Variants in CYP4Z1 observed in about 807,000 individuals in gnomAD.
The protein encoded by CYP4Z1 is cytochrome P450 4Z1.
In CYP4Z1, 41 loss-of-function variants were observed where a neutral mutation model predicts 54.2. That is an observed-to-expected ratio of 0.76 (90% CI 0.59 to 0.98). The LOEUF (loss-of-function observed/expected upper bound fraction) is 0.98, where lower values mean the gene tolerates loss of function less well. CYP4Z1 is among the 50% of genes least tolerant of loss of function. The probability of loss-of-function intolerance (pLI) is 0.00; values close to 1 mark genes in which losing one functional copy is unlikely to be tolerated. For missense variants in CYP4Z1, 513 were observed against 599.0 expected (o/e 0.86, Z 1.50); for synonymous variants, 163 against 206.2 (o/e 0.79, Z 1.79).
At chr1:47,086,251 T>A (rs1169424265) in intron 6 of CYP4Z1, among the ~76,000 whole-genome samples, 2 of 152,184 alleles carry the variant, frequency 1.3e-5, no homozygotes, top group Non-Finnish European at 2.9e-5. Context: ...TACTTCTAGA[T>A]CCTTGAGGAA....
At chr1:47,097,499 G>A (rs1467048305) in intron 7 of CYP4Z1, among the ~76,000 whole-genome samples, 1 of 152,146 alleles carries the variant, frequency 6.6e-6, no homozygotes. Context: ...TGCACATAAT[G>A]TAAAGAAGTT....
intron 6 of CYP4Z1, among the ~76,000 whole-genome samples, chr1:47,090,246 T>C (rs953503180): frequency 1.3e-5 from 2 of 152,244 alleles, no homozygotes; most frequent in Non-Finnish European, 2.9e-5. Flanking sequence ...TATCCATAAC[T>C]ATTACTCCTG....
chr1:47,055,594 A>G, the CYP4Z1 span, among the ~76,000 whole-genome samples: 2 of 152,152 alleles, frequency 1.3e-5, no homozygotes, highest in Non-Finnish European at 2.9e-5. Flanking sequence ...CCTCAATTTC[A>G]GAGCCTGTTA....
chr1:47,107,821 A>G (rs1466129416), intron 9 of CYP4Z1, among the ~76,000 whole-genome samples: 1 of 152,144 alleles, frequency 6.6e-6, no homozygotes, highest in East Asian at 1.9e-4. Context: ...TTTCCCATTC[A>G]GGTCCTTTCT....
chr1:47,057,804 T>C, the CYP4Z1 span, among the ~76,000 whole-genome samples: 1 of 152,174 alleles, frequency 6.6e-6, no homozygotes, highest in African/African-American at 2.4e-5. Context: ...AGCTCCAGAT[T>C]GGTTTATATT....
chr1:47,066,930 G>A (rs1044780634), upstream of CYP4Z1, among the ~76,000 whole-genome samples: 2 of 151,708 alleles, frequency 1.3e-5, no homozygotes, highest in African/African-American at 4.8e-5. Flanking sequence ...TTTGGGTGAC[G>A]ATAATGTGTC....
chr1:47,096,214 C>T (rs1249980383), intron 7 of CYP4Z1, among the ~76,000 whole-genome samples: 4 of 152,220 alleles, frequency 2.6e-5, no homozygotes, highest in Admixed American at 2.0e-4. Context: ...GGCCAGGAGT[C>T]TGAGACAAGC....
intron 11 of CYP4Z1, 27 bp downstream of exon 11, chr1:47,116,759 T>C (rs757095979): frequency 1.3e-6 from 2 of 1,535,812 alleles, no homozygotes; most frequent in Non-Finnish European, 1.8e-6. Flanking sequence ...GTGAACTTGA[T>C]GGAAATGTGT....
At chr1:47,093,285 T>C (rs902317090) in intron 6 of CYP4Z1, among the ~76,000 whole-genome samples, 17 of 151,204 alleles carry the variant, frequency 1.1e-4, no homozygotes, top group African/African-American at 3.9e-4. Flanking sequence ...CTGGCTGTTT[T>C]CTCTCCCTGG....
At chr1:47,056,008 T>C in the CYP4Z1 span, among the ~76,000 whole-genome samples, 10 of 152,224 alleles carry the variant, frequency 6.6e-5, no homozygotes, top group Non-Finnish European at 1.3e-4. Flanking sequence ...TTAATTGTGA[T>C]GTTAGGGTGT....
upstream of CYP4Z1, among the ~76,000 whole-genome samples, chr1:47,065,702 GA>G (rs1438431786): frequency 6.6e-6 from 1 of 151,708 alleles, no homozygotes; most frequent in African/African-American, 2.4e-5. Flanking sequence ...AAATGAAATT[GA>G]AACAAAAAAA....
At chr1:47,060,257 G>A in the CYP4Z1 span, among the ~76,000 whole-genome samples, 1 of 152,026 alleles carries the variant, frequency 6.6e-6, no homozygotes, top group Non-Finnish European at 1.5e-5. Flanking sequence ...CACTTAAAAG[G>A]CAGAGTGGCA....
chr1:47,074,409 G>A (rs1644504468), intron 2 of CYP4Z1, among the ~76,000 whole-genome samples: 1 of 151,240 alleles, frequency 6.6e-6, no homozygotes, highest in African/African-American at 2.4e-5. Flanking sequence ...TGAAGTATCT[G>A]GTTTTCTGTT....
chr1:47,094,511 T>A, intron 6 of CYP4Z1, 55 bp from the exon 7 acceptor site: 1 of 1,249,512 alleles, frequency 8.0e-7, no homozygotes, highest in Non-Finnish European at 1.1e-6. Flanking sequence ...CATTTGGCTT[T>A]GATTGACTTT....
At position 47,111,261 on chromosome 1, in the gene CYP4Z1, G is replaced by A. The variant is rs1470077468; in HGVS notation, c.1202-4268G>A. Among the ~76,000 whole-genome samples the A allele has an allele frequency of 2.6e-5, 4 of 151,460 alleles. No homozygotes were observed. The East Asian group carries it at 7.8e-4, about 29-fold the overall frequency. ...TGCAATGGTGCAATCTCTGCTCCCT[G>A]CAAACTCTGCCTCCCAGATTCAAGC... On this transcript the variant is annotated intron_variant, in intron 9 of 11. Coordinates refer to ENST00000334194, the MANE Select transcript of CYP4Z1 (RefSeq NM_178134.3).
the CYP4Z1 span, among the ~76,000 whole-genome samples, chr1:47,056,140 A>T: frequency 6.6e-6 from 1 of 152,150 alleles, no homozygotes; most frequent in Admixed American, 6.5e-5. Context: ...CGTTGGTTTC[A>T]AAAAACATCT....
At chr1:47,065,661 G>T (rs1644445798), upstream of CYP4Z1, among the ~76,000 whole-genome samples, 1 of 151,468 alleles carries the variant, frequency 6.6e-6, no homozygotes, top group Admixed American at 6.6e-5. Flanking sequence ...CCCAGCAGAA[G>T]AAAAGAAATA....
upstream of CYP4Z1, among the ~76,000 whole-genome samples, chr1:47,065,240 C>A (rs533457300): frequency 7.9e-5 from 12 of 152,200 alleles, no homozygotes; most frequent in East Asian, 2.3e-3. Context: ...TTCTATTCAT[C>A]TGTACATAGA....
At chr1:47,088,133 C>A (rs1244532554) in intron 6 of CYP4Z1, among the ~76,000 whole-genome samples, 4 of 152,190 alleles carry the variant, frequency 2.6e-5, no homozygotes, top group Non-Finnish European at 4.4e-5. Context: ...CAATGTTCAT[C>A]AGGGATATTG....
Sources: allele counts gnomAD v4.1 joint callset (sites outside exome capture counted in the v4.1 genomes callset), GRCh38; gene constraint gnomAD v4.1.1; transcripts MANE v1.5; gene names NCBI Gene and HGNC (gene_info 2026-07-23, HGNC 2026-07-21).